The following HS6ST3 variants were observed in gnomAD, a reference collection of about 807,000 sequenced individuals.
The protein encoded by HS6ST3 is heparan sulfate 6-O-sulfotransferase 3, also known as heparan-sulfate 6-O-sulfotransferase 3.
A neutral mutation model predicts 36.7 loss-of-function variants in HS6ST3; 12 were observed. That is an observed-to-expected ratio of 0.33 (90% CI 0.21 to 0.53). The LOEUF (loss-of-function observed/expected upper bound fraction) is 0.53. Among genes scored for constraint, HS6ST3 ranks in the 20% least tolerant of loss-of-function variants. The probability of loss-of-function intolerance (pLI) is 0.95; values close to 1 mark genes in which losing one functional copy is unlikely to be tolerated. For missense variants in HS6ST3, 584 were observed against 640.9 expected (o/e 0.91, Z 0.96); for synonymous variants, 240 against 257.5 (o/e 0.93, Z 0.65).
intron 1 of HS6ST3, among the ~76,000 whole-genome samples, chr13:96,102,987 G>A (rs2053824869): frequency 6.6e-6 from 1 of 152,050 alleles, no homozygotes; most frequent in Non-Finnish European, 1.5e-5. Context: ...AATTTTATCG[G>A]TACGTGTTTT....
At chr13:96,196,375 A>G (rs943182754) in intron 1 of HS6ST3, among the ~76,000 whole-genome samples, 6 of 151,974 alleles carry the variant, frequency 3.9e-5, no homozygotes, top group Non-Finnish European at 7.4e-5. Flanking sequence ...GGCATCTCCT[A>G]AGTGTCTCCC....
intron 1 of HS6ST3, among the ~76,000 whole-genome samples, chr13:96,202,908 G>A (rs996386642): frequency 2.0e-5 from 3 of 152,158 alleles, no homozygotes; most frequent in Non-Finnish European, 4.4e-5. Context: ...TGAACTTAGG[G>A]AGGCAAATTT....
rs9584379 is a variant in HS6ST3 at position 96,552,394 on chromosome 13, G to T, written c.708-280096G>T. On this transcript the variant is annotated intron_variant, in intron 1 of 1. Transcript: ENST00000376705. ...ACCCCAGCTACTCTGAAGGTGACACGCTGTTCTGGGTGTTTCTGTCTTCTC... is the reference window on the plus strand; with the variant it reads ...ACCCCAGCTACTCTGAAGGTGACACTCTGTTCTGGGTGTTTCTGTCTTCTC... 3.1e-4 allele frequency among the ~76,000 whole-genome samples: 47 copies of T among 152,306 alleles called. 1 individual carries two copies. The South Asian group carries it at 8.9e-3, about 29-fold the overall frequency.
intron 1 of HS6ST3, among the ~76,000 whole-genome samples, chr13:96,154,441 G>A (rs1164044921): frequency 6.6e-6 from 1 of 152,096 alleles, no homozygotes; most frequent in African/African-American, 2.4e-5. Flanking sequence ...GAACTTAATG[G>A]TGAAGTGTTT....
At chr13:96,695,637 A>G (rs1327893284) in intron 1 of HS6ST3, among the ~76,000 whole-genome samples, 5 of 113,772 alleles carry the variant, frequency 4.4e-5, no homozygotes, top group Non-Finnish European at 9.2e-5. Flanking sequence ...GAGTCTCACT[A>G]TGATCCCCAG....
intron 1 of HS6ST3, among the ~76,000 whole-genome samples, chr13:96,746,369 G>A (rs1299942485): frequency 7.2e-5 from 11 of 151,904 alleles, no homozygotes; most frequent in Admixed American, 2.0e-4. Context: ...CCTTTAACAA[G>A]TACATAAAAT....
intron 1 of HS6ST3, among the ~76,000 whole-genome samples, chr13:96,128,585 C>T (rs2053962217): frequency 6.6e-6 from 1 of 152,138 alleles, no homozygotes; most frequent in Admixed American, 6.5e-5. Context: ...CCATTTTCAT[C>T]TGTTAGTTTA....
intron 1 of HS6ST3, among the ~76,000 whole-genome samples, chr13:96,506,115 T>A (rs531977896): frequency 1.4e-4 from 22 of 152,306 alleles, no homozygotes; most frequent in East Asian, 1.9e-4. Flanking sequence ...GGGATTTTTT[T>A]AATAACATTT....
At chr13:96,145,045 C>A (rs1431206010) in intron 1 of HS6ST3, among the ~76,000 whole-genome samples, 4 of 146,600 alleles carry the variant, frequency 2.7e-5, no homozygotes, top group African/African-American at 1.0e-4. Context: ...TCCAGTCTAT[C>A]ATTGTTGGAC....
At chr13:96,423,363 G>T (rs2055570375) in intron 1 of HS6ST3, among the ~76,000 whole-genome samples, 1 of 151,976 alleles carries the variant, frequency 6.6e-6, no homozygotes, top group African/African-American at 2.4e-5. Context: ...TGGTGATCTT[G>T]TTTTTTAGTG....
chr13:96,716,609 A>G (rs1052205679), intron 1 of HS6ST3, among the ~76,000 whole-genome samples: 6 of 152,132 alleles, frequency 3.9e-5, no homozygotes, highest in South Asian at 2.1e-4. Context: ...TCTATGATCT[A>G]TCAATCATCT....
At chr13:96,317,350 A>ATATATAAAAT (rs2054977488) in intron 1 of HS6ST3, among the ~76,000 whole-genome samples, 1 of 83,598 alleles carries the variant, frequency 1.2e-5, no homozygotes, top group African/African-American at 4.7e-5. Context: ...ATATATATAT[A>ATATATAAAAT]TATATATATA....
chr13:96,820,230 A>G (rs1036709549), intron 1 of HS6ST3, among the ~76,000 whole-genome samples: 1 of 152,224 alleles, frequency 6.6e-6, no homozygotes, highest in Non-Finnish European at 1.5e-5. Context: ...ATGGATGAAG[A>G]AAGTAGTTTG....
intron 1 of HS6ST3, among the ~76,000 whole-genome samples, chr13:96,735,249 T>G (rs990017844): frequency 2.6e-5 from 4 of 151,784 alleles, no homozygotes; most frequent in African/African-American, 9.7e-5. Context: ...ACGTACAAAA[T>G]TTCCAAGGGC....
chr13:96,117,885 T>A (rs1419481217), intron 1 of HS6ST3, among the ~76,000 whole-genome samples: 2 of 152,036 alleles, frequency 1.3e-5, no homozygotes, highest in Non-Finnish European at 2.9e-5. Flanking sequence ...TTTTTTTTTT[T>A]TCGAGATGGA....
chr13:96,311,736 G>A (rs191518948), intron 1 of HS6ST3, among the ~76,000 whole-genome samples: 5 of 152,286 alleles, frequency 3.3e-5, no homozygotes, highest in Admixed American at 2.6e-4. Context: ...AATTGATTCA[G>A]AGTTCGAAAG....
intron 1 of HS6ST3, among the ~76,000 whole-genome samples, chr13:96,735,210 T>A (rs1876252780): frequency 6.6e-6 from 1 of 151,228 alleles, no homozygotes; most frequent in South Asian, 2.1e-4. Context: ...TGATATATGA[T>A]GGAAATCATC....
At chr13:96,457,621 C>G (rs569317149) in intron 1 of HS6ST3, among the ~76,000 whole-genome samples, 3 of 152,040 alleles carry the variant, frequency 2.0e-5, no homozygotes, top group Admixed American at 6.6e-5. Flanking sequence ...CACTTCTGTT[C>G]CTCTTTAGGG....
chr13:96,326,133 A>G (rs2055029633), intron 1 of HS6ST3, among the ~76,000 whole-genome samples: 1 of 151,744 alleles, frequency 6.6e-6, no homozygotes, highest in Admixed American at 6.6e-5. Flanking sequence ...GCTTATGAAG[A>G]CATAATTTGA....
Sources: allele counts gnomAD v4.1 joint callset (sites outside exome capture counted in the v4.1 genomes callset), GRCh38; gene constraint gnomAD v4.1.1; transcripts MANE v1.5; gene names NCBI Gene and HGNC (gene_info 2026-07-23, HGNC 2026-07-21).